The following TBCEL variants were observed in gnomAD, a reference collection of about 807,000 sequenced individuals.
TBCEL encodes the protein tubulin-specific chaperone cofactor E-like protein.
TBCEL carries 15 observed loss-of-function variants against 44.2 expected under a neutral mutation model. The observed-to-expected ratio is 0.34, with a 90% CI of 0.23 to 0.52. The LOEUF (loss-of-function observed/expected upper bound fraction) is 0.52. Among genes scored for constraint, TBCEL ranks in the 20% least tolerant of loss-of-function variants. The probability of loss-of-function intolerance (pLI) is 0.95; values close to 1 mark genes in which losing one functional copy is unlikely to be tolerated. For synonymous variants in TBCEL, 171 were observed against 185.4 expected (o/e 0.92, Z 0.63); for missense variants, 319 against 506.3 (o/e 0.63, Z 3.55).
In TBCEL at chr11:121,088,690, C is replaced by A. The variant is rs1946251538; in HGVS notation, c.*1594C>A. On this transcript the variant is annotated 3_prime_UTR_variant, in exon 9 of 9. Coordinates refer to ENST00000683345, the MANE Select transcript of TBCEL (RefSeq NM_001363644.2). Reference sequence around the variant, plus strand: ...GAAATTTTTAGGTGACTTGTAAATTCTTCATGTATGAGGAGTTGTGTTTAT... The same window carrying A: ...GAAATTTTTAGGTGACTTGTAAATTATTCATGTATGAGGAGTTGTGTTTAT... 1 of 152,152 alleles carries A rather than the reference C, an allele frequency of 6.6e-6. No homozygotes were observed. The highest frequency in any genetic ancestry group is 2.1e-4 in the South Asian group (1 of 4,834). The allele number at this position is 152,152 out of a possible 1,614,324, so 9.4% of individuals were successfully genotyped here.
rs528761857 is a variant in TBCEL at position 121,044,140 on chromosome 11, T to C, written c.-17-1534T>C. Among the ~76,000 whole-genome samples the C allele has an allele frequency of 2.0e-5, 3 of 152,188 alleles. No homozygotes were observed. The South Asian group carries it at 6.2e-4, about 32-fold the overall frequency. ...CATGATCGTGAATCTGCCTCTGCTT[T>C]CTATTTATTCTACCAGTGAATCACT... On this transcript the variant is annotated intron_variant, in intron 2 of 8. Coordinates refer to ENST00000683345, the MANE Select transcript of TBCEL (RefSeq NM_001363644.2).
At chr11:121,080,378 T>A (rs1361465974) in intron 8 of TBCEL, among the ~76,000 whole-genome samples, 1 of 152,200 alleles carries the variant, frequency 6.6e-6, no homozygotes, top group East Asian at 1.9e-4. Context: ...TAGACAGTTG[T>A]AAGGGATAAA....
intron 7 of TBCEL, among the ~76,000 whole-genome samples, chr11:121,059,530 A>G (rs568514457): frequency 8.5e-5 from 13 of 152,156 alleles, no homozygotes; most frequent in African/African-American, 2.9e-4. Context: ...CTAAAAATGT[A>G]AATTAGCTCA....
chr11:121,077,622 C>G (rs973435038), intron 8 of TBCEL, among the ~76,000 whole-genome samples: 3 of 151,928 alleles, frequency 2.0e-5, no homozygotes, highest in Non-Finnish European at 4.4e-5. Context: ...TCATTGATTT[C>G]TGCTCATATC....
chr11:121,090,182 CA>C lies in TBCEL; in HGVS notation c.*3087del, dbSNP rs1255787481. 1.3e-5 allele frequency: 2 copies of C among 152,138 alleles called. No homozygotes were observed. The highest frequency in any genetic ancestry group is 1.3e-4 in the Admixed American group (2 of 15,274). 9.4% of individuals were successfully genotyped at this position (152,138 alleles called of 1,614,324 possible). Reference sequence around the variant, plus strand: ...CTAGGTATAACAGGGCTGAATGCTACAGTGTTGTTTTTAAAGATTTTGCTTA... The same window carrying C: ...CTAGGTATAACAGGGCTGAATGCTACGTGTTGTTTTTAAAGATTTTGCTTA... On this transcript the variant is annotated 3_prime_UTR_variant, in exon 9 of 9. Coordinates refer to ENST00000683345, the MANE Select transcript of TBCEL (RefSeq NM_001363644.2).
At chr11:121,048,710 G>C (rs1218828080) in intron 4 of TBCEL, among the ~76,000 whole-genome samples, 1 of 151,854 alleles carries the variant, frequency 6.6e-6, no homozygotes, top group African/African-American at 2.4e-5. Context: ...AGAAACTAAA[G>C]TCTGACTCTA....
chr11:121,031,559 C>G (rs1189617581), intron 1 of TBCEL, among the ~76,000 whole-genome samples: 1 of 150,972 alleles, frequency 6.6e-6, no homozygotes, highest in Non-Finnish European at 1.5e-5. Context: ...TAAGAGTTCT[C>G]TGTATTAGTT....
chr11:121,059,329 A>G (rs760182990), intron 7 of TBCEL, among the ~76,000 whole-genome samples: 4 of 151,932 alleles, frequency 2.6e-5, no homozygotes, highest in African/African-American at 4.8e-5. Context: ...TCTTTACACA[A>G]TTCTTTTGCA....
intron 1 of TBCEL, among the ~76,000 whole-genome samples, chr11:121,033,614 C>T (rs1945180258): frequency 6.6e-6 from 1 of 152,138 alleles, no homozygotes; most frequent in Non-Finnish European, 1.5e-5. Context: ...ATAGCATACA[C>T]TATATTCCTG....
At chr11:121,081,234 T>TA (rs1946118838) in intron 8 of TBCEL, among the ~76,000 whole-genome samples, 1 of 152,236 alleles carries the variant, frequency 6.6e-6, no homozygotes, top group African/African-American at 2.4e-5. Context: ...TGCTGGCCTT[T>TA]ATGCTGTTTG....
chr11:121,045,379 C>T (rs1945411176), intron 2 of TBCEL, among the ~76,000 whole-genome samples: 1 of 152,084 alleles, frequency 6.6e-6, no homozygotes, highest in Admixed American at 6.6e-5. Flanking sequence ...TATGTACCAG[C>T]CAAAAGCCTT....
chr11:121,029,216 G>A (rs1469689539), intron 1 of TBCEL, among the ~76,000 whole-genome samples: 1 of 152,098 alleles, frequency 6.6e-6, no homozygotes, highest in Non-Finnish European at 1.5e-5. Flanking sequence ...CTTTGTCCAT[G>A]CTTCTTATAT....
In TBCEL at chr11:121,090,026, A is replaced by G. The variant is rs1946268517; in HGVS notation, c.*2930A>G. The G allele has an allele frequency of 6.6e-6, 1 of 152,294 alleles. No individual in the cohort carries two copies. The highest frequency in any genetic ancestry group is 3.4e-3 in the Middle Eastern group (1 of 294). The allele number at this position is 152,294 out of a possible 1,614,324, so 9.4% of individuals were successfully genotyped here. A position where few individuals can be genotyped will look rare whatever the true frequency, so the allele number is the denominator to read the frequency against. ...TAATGGAAAAAATCCAGAGTCACAT[A>G]TCTTTTTTATTATCAAGTTTTTGCA... On this transcript the variant is annotated 3_prime_UTR_variant, in exon 9 of 9. Transcript: ENST00000683345.
At chr11:121,047,779 C>T (rs1945455975) in intron 4 of TBCEL, 112 bp downstream of exon 4, 1 of 1,316,748 alleles carries the variant, frequency 7.6e-7, no homozygotes. Flanking sequence ...GTCTGTATGA[C>T]TTCTTGTTGT....
intron 8 of TBCEL, among the ~76,000 whole-genome samples, chr11:121,076,699 C>T (rs564622575): frequency 4.6e-5 from 7 of 152,020 alleles, no homozygotes; most frequent in South Asian, 2.1e-4. Context: ...AATATAGTAT[C>T]GGAATAGGAG....
intron 3 of TBCEL, 50 bp from the exon 4 acceptor site, chr11:121,047,478 G>C (rs1945450310): frequency 6.2e-7 from 1 of 1,604,146 alleles, no homozygotes; most frequent in Non-Finnish European, 8.5e-7. Context: ...AACATATGTA[G>C]ACAAGAATTT....
chr11:121,084,956 C>T (rs1213376352), intron 8 of TBCEL, among the ~76,000 whole-genome samples: 1 of 151,292 alleles, frequency 6.6e-6, no homozygotes, highest in Non-Finnish European at 1.5e-5. Context: ...TTTGCCTTTG[C>T]TAAAATCCTT....
chr11:121,040,824 C>T (rs1945318349), intron 2 of TBCEL, among the ~76,000 whole-genome samples: 1 of 152,076 alleles, frequency 6.6e-6, no homozygotes, highest in Non-Finnish European at 1.5e-5. Flanking sequence ...TTCAAGTGTT[C>T]AAAAGGGTAA....
At chr11:121,071,342 T>C (rs1372290089) in intron 8 of TBCEL, among the ~76,000 whole-genome samples, 2 of 152,230 alleles carry the variant, frequency 1.3e-5, no homozygotes, top group African/African-American at 4.8e-5. Context: ...CTTTGGGAAC[T>C]CAATGATTTC....
Sources: gnomAD v4.1 joint callset for allele counts (sites outside exome capture counted in the v4.1 genomes callset) on GRCh38, gnomAD v4.1.1 for gene constraint, MANE v1.5 for transcripts, NCBI Gene and HGNC (gene_info 2026-07-23, HGNC 2026-07-21) for gene names.